VPS35L: variants seen among roughly 807,000 people sequenced by gnomAD.
The protein encoded by VPS35L is VPS35 endosomal protein sorting factor like.
In VPS35L, 83 loss-of-function variants were observed where a neutral mutation model predicts 133.0. The ratio of observed to expected loss-of-function variants is 0.62; its 90% confidence interval spans 0.52 to 0.75. The LOEUF is 0.75. Among genes scored for constraint, VPS35L ranks in the 30% least tolerant of loss-of-function variants. VPS35L has a pLI of 0.00. For synonymous variants in VPS35L, 423 were observed against 449.9 expected (o/e 0.94, Z 0.76); for missense variants, 1,083 against 1,206.8 (o/e 0.90, Z 1.52).
chr16:19,641,140 C>T (rs1973775951), intron 21 of VPS35L, among the ~76,000 whole-genome samples: 1 of 152,098 alleles, frequency 6.6e-6, no homozygotes, highest in African/African-American at 2.4e-5. Flanking sequence ...TCTCAGCTCA[C>T]TGCAGCCTTC....
intron 27 of VPS35L, among the ~76,000 whole-genome samples, chr16:19,673,317 T>A (rs765675472): frequency 6.6e-6 from 1 of 152,176 alleles, no homozygotes; most frequent in Non-Finnish European, 1.5e-5. Context: ...GATTTGCATC[T>A]CCCCTTGAAA....
At chr16:19,566,152 C>T (rs1449729662) in intron 2 of VPS35L, among the ~76,000 whole-genome samples, 2 of 152,132 alleles carry the variant, frequency 1.3e-5, no homozygotes, top group Non-Finnish European at 2.9e-5. Context: ...TGGGTGACCT[C>T]AGCACAGCCA....
intron 19 of VPS35L, among the ~76,000 whole-genome samples, chr16:19,634,946 C>G (rs938278122): frequency 2.0e-5 from 3 of 152,070 alleles, no homozygotes; most frequent in Non-Finnish European, 4.4e-5. Flanking sequence ...GATGTAGTAC[C>G]CTAAGAAAGA....
intron 1 of VPS35L, among the ~76,000 whole-genome samples, chr16:19,563,557 A>G (rs369181584): frequency 3.3e-5 from 5 of 152,098 alleles, no homozygotes; most frequent in African/African-American, 1.2e-4. Context: ...TATGTGTGTT[A>G]GGCCTTCTCT....
At chr16:19,656,607 A>C (rs1974311135) in intron 26 of VPS35L, among the ~76,000 whole-genome samples, 1 of 151,778 alleles carries the variant, frequency 6.6e-6, no homozygotes, top group African/African-American at 2.4e-5. Flanking sequence ...TGTAAAGTGG[A>C]GACGATGACA....
At chr16:19,562,918 C>G (rs567210506) in intron 1 of VPS35L, among the ~76,000 whole-genome samples, 1 of 151,880 alleles carries the variant, frequency 6.6e-6, no homozygotes, top group African/African-American at 2.4e-5. Context: ...CCACACCCAG[C>G]AAATTTATTT....
chr16:19,671,897 T>C (rs13332414), intron 27 of VPS35L, among the ~76,000 whole-genome samples: 52,961 of 152,108 alleles, frequency 0.35, 9,459 homozygotes, highest in African/African-American at 0.37. Context: ...AATCTCAGAC[T>C]CTTGTTAAAA....
Position 19,664,360 on chromosome 16 carries a change from A to G in VPS35L, c.2222-4800A>G, listed in dbSNP as rs1181536318. Among the ~76,000 whole-genome samples the G allele has an allele frequency of 2.0e-5, 3 of 151,976 alleles. No homozygotes were observed. The East Asian group carries it at 5.8e-4, about 29-fold the overall frequency. On this transcript the variant is annotated intron_variant, in intron 26 of 30. Transcript: ENST00000417362. ...GGCTGTCTGTGTTTGCTCTCTGCCC[A>G]GCAGAGAGCAGTGCCGTGAGATGCG...
At chr16:19,619,461 C>T (rs1973007216) in intron 14 of VPS35L, among the ~76,000 whole-genome samples, 1 of 152,152 alleles carries the variant, frequency 6.6e-6, no homozygotes, top group Non-Finnish European at 1.5e-5. Flanking sequence ...ACATGCTGTC[C>T]TCCGCTTCTG....
intron 14 of VPS35L, 23 bp downstream of exon 14, chr16:19,616,831 G>A (rs776087115): frequency 1.1e-5 from 17 of 1,614,016 alleles, no homozygotes; most frequent in Non-Finnish European, 8.5e-7. Context: ...TGGCTTCAGT[G>A]TGACGCTCAC....
chr16:19,678,695 TTCAAAC>T (rs1975149448), intron 27 of VPS35L, among the ~76,000 whole-genome samples: 1 of 151,756 alleles, frequency 6.6e-6, no homozygotes, highest in Non-Finnish European at 1.5e-5. Flanking sequence ...CCAGGCTGGT[TTCAAAC>T]TCCTGACCTC....
intron 28 of VPS35L, among the ~76,000 whole-genome samples, chr16:19,690,836 G>A (rs1211736550): frequency 6.6e-6 from 1 of 152,064 alleles, no homozygotes; most frequent in African/African-American, 2.4e-5. Context: ...GCTGGCAGGT[G>A]CCTATAATTC....
At chr16:19,688,734 AC>A (rs1160521779) in intron 28 of VPS35L, among the ~76,000 whole-genome samples, 1 of 152,188 alleles carries the variant, frequency 6.6e-6, no homozygotes, top group East Asian at 1.9e-4. Flanking sequence ...TCGGCCACAT[AC>A]AAGTCCCCAT....
At chr16:19,648,485 T>C (rs1974023507) in intron 24 of VPS35L, among the ~76,000 whole-genome samples, 1 of 152,032 alleles carries the variant, frequency 6.6e-6, no homozygotes, top group South Asian at 2.1e-4. Context: ...TAACAAGAGG[T>C]TCCCTACTTT....
intron 3 of VPS35L, 149 bp downstream of exon 3, chr16:19,569,740 C>A: frequency 1.3e-6 from 1 of 797,142 alleles, no homozygotes; most frequent in Non-Finnish European, 1.8e-6. Flanking sequence ...GTGGTCATGG[C>A]TCACTGCAGC....
At chr16:19,571,241 T>G (rs1971375302) in intron 3 of VPS35L, among the ~76,000 whole-genome samples, 1 of 152,088 alleles carries the variant, frequency 6.6e-6, no homozygotes, top group African/African-American at 2.4e-5. Context: ...TTTTTGGAGA[T>G]AGTCTTGCTC....
intron 27 of VPS35L, among the ~76,000 whole-genome samples, chr16:19,676,175 C>G (rs1975056880): frequency 6.6e-6 from 1 of 152,072 alleles, no homozygotes; most frequent in Admixed American, 6.6e-5. Context: ...TCATTTGAAC[C>G]CAGGAGATGG....
At chr16:19,582,441 G>A (rs1460851458) in intron 7 of VPS35L, among the ~76,000 whole-genome samples, 2 of 152,136 alleles carry the variant, frequency 1.3e-5, no homozygotes, top group Non-Finnish European at 2.9e-5. Context: ...AGGAGAGTCC[G>A]GGAGTCTTCA....
chr16:19,605,568 A>C (rs1972514529), intron 9 of VPS35L, among the ~76,000 whole-genome samples: 1 of 152,136 alleles, frequency 6.6e-6, no homozygotes, highest in Non-Finnish European at 1.5e-5. Context: ...GACCATAGTG[A>C]GGTTATACCT....
Sources: allele counts gnomAD v4.1 joint callset (sites outside exome capture counted in the v4.1 genomes callset), GRCh38; gene constraint gnomAD v4.1.1; transcripts MANE v1.5; gene names NCBI Gene and HGNC (gene_info 2026-07-23, HGNC 2026-07-21).